The following CDK5RAP1 variants were observed in gnomAD, a reference collection of about 807,000 sequenced individuals.
The protein encoded by CDK5RAP1 is mitochondrial tRNA methylthiotransferase CDK5RAP1.
Under a neutral mutation model 64.5 loss-of-function variants are expected in CDK5RAP1, and 62 were observed. That is an observed-to-expected ratio of 0.96 (90% confidence interval 0.78 to 1.19). CDK5RAP1 has a LOEUF of 1.19. Among genes scored for constraint, CDK5RAP1 ranks in the 50% most tolerant of loss-of-function variants. The pLI, the probability that CDK5RAP1 is intolerant of heterozygous loss-of-function variation, is 0.00. For synonymous variants in CDK5RAP1, 250 were observed against 261.9 expected (o/e 0.95, Z 0.44); for missense variants, 657 against 735.0 (o/e 0.89, Z 1.23).
intron 11 of CDK5RAP1, among the ~76,000 whole-genome samples, chr20:33,367,467 T>C (rs1984204923): frequency 6.6e-6 from 1 of 152,244 alleles, no homozygotes; most frequent in Non-Finnish European, 1.5e-5. Context: ...CTAATGTGGA[T>C]TGTTCTCCAA....
At chr20:33,396,609 G>C (rs1159127786) in intron 2 of CDK5RAP1, 152 bp downstream of exon 2, 5 of 694,104 alleles carry the variant, frequency 7.2e-6, no homozygotes, top group Non-Finnish European at 1.3e-5. Context: ...CGAGTTTCTT[G>C]ATATTAATAT....
Position 33,383,229 on chromosome 20 carries a change from A to G in CDK5RAP1, c.876+2421T>C, listed in dbSNP as rs181483029. Among the ~76,000 whole-genome samples, 341 of 152,260 alleles carry G rather than the reference A, an allele frequency of 2.2e-3. 5 individuals are homozygous for G. Among genetic ancestry groups the G allele is most frequent in the Admixed American group, 0.017 (264 of 15,288 alleles). ...AATAAAAAGATTTTTAAATGTTTAA[A>G]AAAGAAAATATCCTTATTTTTTAGA... On this transcript the variant is annotated intron_variant, in intron 7 of 13. Transcript: ENST00000346416.
chr20:33,370,526 G>A lies in CDK5RAP1; in HGVS notation c.1365C>T (p.Gly455=). The A allele has an allele frequency of 1.2e-6, 2 of 1,614,150 alleles. No individual in the cohort carries two copies. Among genetic ancestry groups the A allele is most frequent in the Non-Finnish European group, 1.7e-6 (2 of 1,180,026 alleles). The change falls in exon 11 of 14, where the codon GGC becomes GGT. Residue 455 remains glycine, a synonymous_variant. Coordinates refer to ENST00000346416, the MANE Select transcript of CDK5RAP1 (RefSeq NM_016408.4). ...SLLREVQYNM[G]FLFAYSMRQK... is the part of the protein sequence containing the mutation. ...GTCTCATGCTGTAGGCAAAGAGGAA[G>A]CCCATGTTGTACTGAACTTCCCGGA...
chr20:33,401,357 C>T (rs143111718), intron 1 of CDK5RAP1, 71 bp downstream of exon 1: 695 of 973,100 alleles, frequency 7.1e-4, no homozygotes, highest in Non-Finnish European at 8.1e-4. Context: ...TCCCGGGATC[C>T]GCGGCCCCTC....
intron 5 of CDK5RAP1, among the ~76,000 whole-genome samples, chr20:33,389,929 A>G (rs1316597762): frequency 1.5e-5 from 2 of 137,216 alleles, no homozygotes; most frequent in Non-Finnish European, 3.1e-5. Context: ...CTACATATAC[A>G]CAATGGAATT....
At chr20:33,393,668 T>TAC (rs1442602996) in intron 4 of CDK5RAP1, among the ~76,000 whole-genome samples, 1 of 152,252 alleles carries the variant, frequency 6.6e-6, no homozygotes, top group African/African-American at 2.4e-5. Context: ...AGCCTATGAC[T>TAC]ACATCCTACC....
intron 12 of CDK5RAP1, among the ~76,000 whole-genome samples, chr20:33,365,386 C>A (rs1983724554): frequency 6.6e-6 from 1 of 151,486 alleles, no homozygotes; most frequent in Non-Finnish European, 1.5e-5. Context: ...ATTCTCCCAC[C>A]TCAGCCTCCT....
rs12480636 is a variant in CDK5RAP1, at chr20:33,385,598, C to T, written c.876+52G>A. On this transcript the variant is annotated intron_variant, in intron 7 of 13. Transcript: ENST00000346416. ...TAGGCTCAAAACTACAAAGGTTATC[C>T]TCATCCTCCCCCAAACATGTTCACA... 6.6e-3 allele frequency: 10,511 copies of T among 1,604,066 alleles called. 50 individuals carry two copies. Among genetic ancestry groups the T allele is most frequent in the Non-Finnish European group, 8.1e-3 (9,573 of 1,174,770 alleles).
chr20:33,368,018 A>G (rs1711735906), intron 11 of CDK5RAP1, among the ~76,000 whole-genome samples: 2 of 152,236 alleles, frequency 1.3e-5, no homozygotes, highest in Admixed American at 1.3e-4. Context: ...ACTATGCATG[A>G]AACACAATTA....
At chr20:33,391,173 G>C (rs950718907) in intron 5 of CDK5RAP1, among the ~76,000 whole-genome samples, 33 of 149,916 alleles carry the variant, frequency 2.2e-4, no homozygotes, top group African/African-American at 7.4e-4. Context: ...AGGATCATTT[G>C]AGCCCAGGAG....
intron 10 of CDK5RAP1, among the ~76,000 whole-genome samples, chr20:33,371,525 T>C (rs1256557983): frequency 1.3e-5 from 2 of 151,900 alleles, no homozygotes; most frequent in African/African-American, 4.8e-5. Flanking sequence ...CAGTGGCTCA[T>C]GCCTGTAATC....
Position 33,379,653 on chromosome 20 carries a change from A to G in CDK5RAP1, c.915T>C (p.Asn305=), listed in dbSNP as rs1568703444. 2.5e-6 allele frequency: 4 copies of G among 1,614,144 alleles called. No individual in the cohort carries two copies. The highest frequency in any genetic ancestry group is 3.4e-6 in the Non-Finnish European group (4 of 1,179,972). ...GGACCTCCGAATTGTCCCGAAAACT[A>G]TTAACATTCTGACCAAGAAGTGTCA... The part of the protein sequence containing the change: ...KEVTLLGQNV[N]SFRDNSEVQF... The change falls in exon 8 of 14, where the codon AAT becomes AAC. Residue 305 remains asparagine (N), a synonymous_variant. Transcript: ENST00000346416.
chr20:33,396,326 C>T (rs1321865234), intron 2 of CDK5RAP1, among the ~76,000 whole-genome samples: 1 of 152,204 alleles, frequency 6.6e-6, no homozygotes, highest in African/African-American at 2.4e-5. Context: ...CCGTCCCCAC[C>T]AGCAGGTCTT....
chr20:33,390,580 C>T (rs938459188), intron 5 of CDK5RAP1, among the ~76,000 whole-genome samples: 1 of 151,900 alleles, frequency 6.6e-6, no homozygotes, highest in South Asian at 2.1e-4. Context: ...ATACTTAGTG[C>T]CACAGAAATA....
At chr20:33,380,216 G>A (rs1340200415) in intron 7 of CDK5RAP1, among the ~76,000 whole-genome samples, 1 of 152,150 alleles carries the variant, frequency 6.6e-6, no homozygotes, top group Non-Finnish European at 1.5e-5. Context: ...AAATAAAAGA[G>A]CTGTTTTAGA....
chr20:33,388,235 A>G (rs1038955890), intron 5 of CDK5RAP1, among the ~76,000 whole-genome samples: 1 of 152,276 alleles, frequency 6.6e-6, no homozygotes, highest in East Asian at 1.9e-4. Context: ...AGCCTATAAT[A>G]CTTGCTAAAA....
chr20:33,379,866 A>G (rs1052605116), intron 7 of CDK5RAP1, among the ~76,000 whole-genome samples, 175 bp from the exon 8 acceptor site: 1 of 152,210 alleles, frequency 6.6e-6, no homozygotes, highest in South Asian at 2.1e-4. Context: ...TTTCAAGCTT[A>G]GACATCTTAC....
In CDK5RAP1 at chr20:33,397,106, C is replaced by T. The variant is rs767186213; in HGVS notation, c.-20-22G>A. 4 of 1,543,354 alleles carry T rather than the reference C, an allele frequency of 2.6e-6. No homozygotes were observed. The South Asian group carries it at 4.8e-5, about 19-fold the overall frequency. On this transcript the variant is annotated intron_variant, in intron 1 of 13. Transcript: ENST00000346416. The stretch of plus-strand genomic sequence containing the variant: ...CAGTCTGCAAAAGAATGACAGACAT[C>T]ACCAGCATTTATTGAACACTATGGA...
rs144897839 is a variant in CDK5RAP1, at chr20:33,386,353, C to G, written c.756-583G>C. ...CTGGGATTACAGGCGTGAGCCACTG[C>G]ACCTGGCCCCTCTACTGTTTTTAAA... On this transcript the variant is annotated intron_variant, in intron 6 of 13. Coordinates refer to ENST00000346416, the MANE Select transcript of CDK5RAP1 (RefSeq NM_016408.4). Among the ~76,000 whole-genome samples the G allele has an allele frequency of 2.8e-3, 421 of 152,314 alleles. 3 individuals are homozygous for G. Among genetic ancestry groups the G allele is most frequent in the African/African-American group, 9.9e-3 (413 of 41,580 alleles).
Sources: allele counts gnomAD v4.1 joint callset (sites outside exome capture counted in the v4.1 genomes callset), GRCh38; gene constraint gnomAD v4.1.1; transcripts MANE v1.5; gene names NCBI Gene and HGNC (gene_info 2026-07-23, HGNC 2026-07-21).